CLPTM1L: variants seen among roughly 807,000 people sequenced by gnomAD.
CLPTM1L encodes the protein CLPTM1 like.
In CLPTM1L, 38 loss-of-function variants were observed where a neutral mutation model predicts 70.9. The ratio of observed to expected loss-of-function variants is 0.54; its 90% CI spans 0.41 to 0.70. The LOEUF is 0.70. Ranked by LOEUF, CLPTM1L falls within the 30% of genes least tolerant of loss-of-function variation. CLPTM1L has a pLI of 0.00. For missense variants in CLPTM1L, 652 were observed against 705.9 expected, an observed-to-expected ratio of 0.92 and a Z score of 0.87; for synonymous variants, 339 against 299.9, an observed-to-expected ratio of 1.13 and a Z score of -1.35.
intron 11 of CLPTM1L, among the ~76,000 whole-genome samples, chr5:1,324,443 C>T (rs958056195): frequency 6.6e-5 from 10 of 152,240 alleles, no homozygotes; most frequent in South Asian, 2.1e-4. Context: ...ACGGCAAGTG[C>T]GTTCCCAGCA....
chr5:1,337,949 G>A lies in CLPTM1L; in HGVS notation c.633C>T (p.Pro211=), dbSNP rs1208501122. The A allele has an allele frequency of 6.2e-7, 1 of 1,608,322 alleles. No homozygotes were observed. The highest frequency in any genetic ancestry group is 1.1e-5 in the South Asian group (1 of 88,994). ...TGCTGAGCTGGTCGATGAACAGGAT[G>A]GGCAGGTAATGCACGGTTTTCCCCA... ...IQLGKTVHYL[P]ILFIDQLSNR... is the part of the protein sequence containing the mutation. The change falls in exon 5 of 17, where the codon CCC becomes CCT. Residue 211 remains proline, a synonymous_variant. Coordinates refer to ENST00000320895, the MANE Select transcript of CLPTM1L (RefSeq NM_030782.5).
chr5:1,339,122 G>C, intron 3 of CLPTM1L, 117 bp from the exon 4 acceptor site: 1 of 1,219,048 alleles, frequency 8.2e-7, no homozygotes, highest in South Asian at 1.5e-5. Context: ...ACTGTGCCCG[G>C]GACAGCAGGG....
intron 11 of CLPTM1L, among the ~76,000 whole-genome samples, chr5:1,324,430 G>C (rs1390181470): frequency 6.6e-6 from 1 of 152,252 alleles, no homozygotes; most frequent in Admixed American, 6.5e-5. Context: ...TATGGCCTTG[G>C]TGACGGCAAG....
At chr5:1,324,179 G>GA in intron 11 of CLPTM1L, 1 of 424,120 alleles carries the variant, frequency 2.4e-6, no homozygotes. Flanking sequence ...AAAGAAACCG[G>GA]AAAAAACTGC....
chr5:1,344,418 C>G lies in CLPTM1L; in HGVS notation c.196G>C (p.Gly66Arg). ...SVYTTTRSHL[G>R]AENNIDLVLN... Reference sequence around the variant, plus strand: ...ACCAGGTCGATGTTGTTCTCAGCACCCAGGTGGGACCTCGTCGTGGTGTAC... The same window carrying G: ...ACCAGGTCGATGTTGTTCTCAGCACGCAGGTGGGACCTCGTCGTGGTGTAC... The change falls in exon 2 of 17, where the codon GGT (glycine) becomes CGT (arginine). Residue 66 changes from glycine (G) to arginine (R), a missense_variant. Gly to Arg is a moderately radical substitution (Grantham distance 125). Coordinates refer to ENST00000320895, the MANE Select transcript of CLPTM1L (RefSeq NM_030782.5). The G allele has an allele frequency of 1.2e-6, 2 of 1,613,760 alleles. No individual in the cohort carries two copies. The highest frequency in any genetic ancestry group is 8.5e-7 in the Non-Finnish European group (1 of 1,179,944).
chr5:1,328,889 C>A (rs1321456601), intron 9 of CLPTM1L, among the ~76,000 whole-genome samples: 3 of 150,458 alleles, frequency 2.0e-5, no homozygotes, highest in Non-Finnish European at 4.4e-5. Context: ...CACATTCCAT[C>A]CAGCTCCTCC....
rs1387689379 is a variant in CLPTM1L at position 1,318,674 on chromosome 5, A to C, written c.1533-221T>G. On this transcript the variant is annotated intron_variant, in intron 16 of 16. Coordinates refer to ENST00000320895, the MANE Select transcript of CLPTM1L (RefSeq NM_030782.5). The surrounding 1 kb of genome is among the most constrained non-coding windows in gnomAD (Gnocchi z 8.9). Reference sequence around the variant, plus strand: ...AGGCCAGCGTGCTGCTCTCAAGGAAAGGGAAGCTTGGCCGAAGGGACGACC... The same window carrying C: ...AGGCCAGCGTGCTGCTCTCAAGGAACGGGAAGCTTGGCCGAAGGGACGACC... 2.0e-5 allele frequency among the ~76,000 whole-genome samples: 3 copies of C among 152,284 alleles called. No individual in the cohort carries two copies. The East Asian group carries it at 5.8e-4, about 29-fold the overall frequency.
intron 11 of CLPTM1L, chr5:1,324,144 C>T: frequency 4.2e-6 from 2 of 474,414 alleles, no homozygotes; most frequent in Non-Finnish European, 7.4e-6. Context: ...CCAACCAACC[C>T]ACAACAGATC....
chr5:1,330,357 C>A lies in CLPTM1L; in HGVS notation c.1003G>T (p.Val335Phe), dbSNP rs1161287910. ...TCGTCCAGCAGGAACAGAAAGATGACCACGGTGCTGAAGCAGCGCCAGAGC... is the reference window on the plus strand; with the variant it reads ...TCGTCCAGCAGGAACAGAAAGATGAACACGGTGCTGAAGCAGCGCCAGAGC... ...AVLWRCFSTV[V>F]IFLFLLDEQT... The change falls in exon 9 of 17, where the codon GTC (valine) becomes TTC (phenylalanine). Residue 335 changes from valine (V) to phenylalanine (F), a missense_variant. Physicochemically the swap from Val to Phe is conservative, Grantham distance 50 (BLOSUM62 -1). Around this residue, in one of 3 missense-constraint regions of CLPTM1L, gnomAD observed 240 missense variants for 295.0 expected, o/e 0.81. Transcript: ENST00000320895. 1.2e-6 allele frequency: 2 copies of A among 1,612,738 alleles called. No homozygotes were observed. The highest frequency in any genetic ancestry group is 1.7e-5 in the Admixed American group (1 of 60,006).
At chr5:1,327,723 T>G (rs866973890) in intron 9 of CLPTM1L, among the ~76,000 whole-genome samples, 21 of 104,146 alleles carry the variant, frequency 2.0e-4, no homozygotes, top group African/African-American at 7.9e-4. Flanking sequence ...CAGGGACATT[T>G]CATCCAGCTC....
chr5:1,338,858 A>C lies in CLPTM1L; in HGVS notation c.599+2T>G. The C allele has an allele frequency of 1.2e-6, 2 of 1,613,170 alleles. No individual in the cohort carries two copies. Among genetic ancestry groups the C allele is most frequent in the Non-Finnish European group, 1.7e-6 (2 of 1,180,002 alleles). On this transcript the variant is annotated splice_donor_variant, in intron 4 of 16. Coordinates refer to ENST00000320895, the MANE Select transcript of CLPTM1L (RefSeq NM_030782.5). LOFTEE classifies it high-confidence loss of function. ...GCGCTCCAGCTCTGGGGCCCCACTT[A>C]CATCTTCATGTACCGATGCACATCG... is the stretch of plus-strand genomic sequence containing the variant.
chr5:1,321,070 A>G (rs1752123588), intron 15 of CLPTM1L, among the ~76,000 whole-genome samples: 1 of 152,106 alleles, frequency 6.6e-6, no homozygotes, highest in African/African-American at 2.4e-5. Flanking sequence ...CCAAGGTTAG[A>G]GCCGCCCGAG....
At chr5:1,334,188 G>A in intron 7 of CLPTM1L, 101 bp downstream of exon 7, 2 of 783,294 alleles carry the variant, frequency 2.6e-6, no homozygotes, top group Non-Finnish European at 4.3e-6. Flanking sequence ...CCACAGGGCT[G>A]GACGGCGCCC....
chr5:1,330,192 A>T, intron 9 of CLPTM1L, 88 bp downstream of exon 9: 1 of 1,032,626 alleles, frequency 9.7e-7, no homozygotes, highest in Non-Finnish European at 1.5e-6. Flanking sequence ...CTTCCACAGA[A>T]GGTCTCAGGT....
chr5:1,334,401 A>G lies in CLPTM1L; in HGVS notation c.797-18T>C. Reference sequence around the variant, plus strand: ...TGAAAACCCTGTCAAGGAAAAAAAAACATACAATATAAAACAGGCAATGTC... The same window carrying G: ...TGAAAACCCTGTCAAGGAAAAAAAAGCATACAATATAAAACAGGCAATGTC... On this transcript the variant is annotated intron_variant, in intron 6 of 16. Coordinates refer to ENST00000320895, the MANE Select transcript of CLPTM1L (RefSeq NM_030782.5). 8.8e-7 allele frequency: 1 copy of G among 1,132,622 alleles called. No homozygotes were observed. Among genetic ancestry groups the G allele is most frequent in the South Asian group, 1.3e-5 (1 of 75,846 alleles). 70.2% of individuals were successfully genotyped at this position (1,132,622 alleles called of 1,614,324 possible).
At chr5:1,341,598 C>T in intron 3 of CLPTM1L, 73 bp downstream of exon 3, 2 of 1,347,586 alleles carry the variant, frequency 1.5e-6, no homozygotes, top group Non-Finnish European at 2.0e-6. Flanking sequence ...CATCGCCCAC[C>T]TGTGTGGAGA....
chr5:1,326,438 C>A (rs1423623100), intron 9 of CLPTM1L: 1 of 231,852 alleles, frequency 4.3e-6, no homozygotes, highest in Non-Finnish European at 8.2e-6. Flanking sequence ...CCTCGACAGA[C>A]ACATTTCATT....
In CLPTM1L at chr5:1,344,758, G is replaced by C; in HGVS notation, c.84C>G (p.Tyr28Ter). Reference sequence around the variant, plus strand: ...AGCACGGGCGGGTGTAGACGATGCCGTACATGACCCAGCAGGTGTGCACCA... The same window carrying C: ...AGCACGGGCGGGTGTAGACGATGCCCTACATGACCCAGCAGGTGTGCACCA... ...VYVVHTCWVM[Y>*]GIVYTRPCSG... The change falls in exon 1 of 17, where the codon TAC (tyrosine) becomes TAG (stop). Residue 28 changes from tyrosine (Y) to a stop codon, truncating the protein, a stop_gained. Coordinates refer to ENST00000320895, the MANE Select transcript of CLPTM1L (RefSeq NM_030782.5). LOFTEE classifies it high-confidence loss of function. The C allele has an allele frequency of 6.2e-7, 1 of 1,604,624 alleles. No homozygotes were observed. Among genetic ancestry groups the C allele is most frequent in the East Asian group, 2.3e-5 (1 of 44,256 alleles).
chr5:1,332,929 A>G (rs907042547), intron 7 of CLPTM1L, among the ~76,000 whole-genome samples: 1 of 152,058 alleles, frequency 6.6e-6, no homozygotes, highest in Non-Finnish European at 1.5e-5. Flanking sequence ...AGATGAGGAT[A>G]AGGGGCGGAC....
Sources: gnomAD v4.1 joint callset for allele counts (sites outside exome capture counted in the v4.1 genomes callset) on GRCh38, gnomAD v4.1.1 for gene constraint, gnomAD v4.1.1 regional missense constraint, Gnocchi (gnomAD v3.1) non-coding constraint, MANE v1.5 for transcripts, NCBI Gene and HGNC (gene_info 2026-07-23, HGNC 2026-07-21) for gene names.